The following TCERG1L variants were observed in gnomAD, a reference collection of about 807,000 sequenced individuals.
TCERG1L encodes the protein transcription elongation regulator 1-like protein.
TCERG1L carries 37 observed loss-of-function variants against 56.3 expected under a neutral mutation model. That is an observed-to-expected ratio of 0.66 (90% CI 0.51 to 0.87). The LOEUF (loss-of-function observed/expected upper bound fraction) is 0.87. Ranked by LOEUF, TCERG1L falls within the 40% of genes least tolerant of loss-of-function variation. The pLI is 0.00. For missense variants in TCERG1L, 799 were observed against 774.2 expected (o/e 1.03, Z -0.38); for synonymous variants, 324 against 326.3 (o/e 0.99, Z 0.08).
chr10:131,138,267 G>C (rs992701784), intron 7 of TCERG1L, among the ~76,000 whole-genome samples: 38 of 152,160 alleles, frequency 2.5e-4, no homozygotes, highest in Non-Finnish European at 4.4e-5. Flanking sequence ...GTGACAGAGT[G>C]AAACTCTGTC....
chr10:131,093,380 C>T lies in TCERG1L; in HGVS notation c.1605-62G>A, dbSNP rs1024323281. The T allele has an allele frequency of 1.4e-5, 22 of 1,573,940 alleles. No individual in the cohort carries two copies. In the South Asian group the frequency reaches 2.4e-4, roughly 17 times the overall value. ...GAGCAACTCTGGCCTCCCCAGAGAT[C>T]CTGCAGCGGCACCGCCTGAGCAAGC... On this transcript the variant is annotated intron_variant, in intron 11 of 11. Transcript: ENST00000368642.
intron 3 of TCERG1L, among the ~76,000 whole-genome samples, chr10:131,289,384 T>C (rs1201965607): frequency 6.6e-6 from 1 of 152,212 alleles, no homozygotes; most frequent in Non-Finnish European, 1.5e-5. Flanking sequence ...TACGATATAG[T>C]TGGAAATAAA....
At chr10:131,179,250 CTG>C (rs1157776934) in intron 4 of TCERG1L, among the ~76,000 whole-genome samples, 1 of 152,252 alleles carries the variant, frequency 6.6e-6, no homozygotes, top group African/African-American at 2.4e-5. Context: ...TGGGCAGCAC[CTG>C]TGTGTTTCCC....
chr10:131,115,411 T>C (rs559106246), intron 9 of TCERG1L, among the ~76,000 whole-genome samples: 2 of 93,990 alleles, frequency 2.1e-5, no homozygotes, highest in South Asian at 8.5e-4. Context: ...AAGTCTTGTT[T>C]TCAAACAAAA....
intron 4 of TCERG1L, among the ~76,000 whole-genome samples, chr10:131,178,048 T>C (rs1021381910): frequency 2.0e-5 from 3 of 152,108 alleles, no homozygotes; most frequent in African/African-American, 7.2e-5. Context: ...TCCCTCCCTT[T>C]ACTCCCGGGG....
At chr10:131,205,880 G>A (rs1433061673) in intron 4 of TCERG1L, among the ~76,000 whole-genome samples, 2 of 152,226 alleles carry the variant, frequency 1.3e-5, no homozygotes, top group Non-Finnish European at 2.9e-5. Context: ...GGGAAGCTAC[G>A]ACAGAGGGCC....
intron 3 of TCERG1L, among the ~76,000 whole-genome samples, chr10:131,263,326 T>C (rs1179239712): frequency 6.6e-6 from 1 of 152,194 alleles, no homozygotes; most frequent in African/African-American, 2.4e-5. Flanking sequence ...ATCTTAATAA[T>C]AACACACTTT....
intron 4 of TCERG1L, among the ~76,000 whole-genome samples, chr10:131,221,479 G>A (rs557042267): frequency 6.6e-6 from 1 of 152,256 alleles, no homozygotes; most frequent in African/African-American, 2.4e-5. Flanking sequence ...TGAGCAATTA[G>A]AAGGCAGCGA....
chr10:131,260,482 AC>A lies in TCERG1L; in HGVS notation c.671-39del. 7.3e-7 allele frequency: 1 copy of A among 1,364,678 alleles called. No homozygotes were observed. The highest frequency in any genetic ancestry group is 9.5e-7 in the Non-Finnish European group (1 of 1,055,346). The allele number at this position is 1,364,678 out of a possible 1,614,324, so 84.5% of individuals were successfully genotyped here. A position where few individuals can be genotyped will look rare whatever the true frequency, so the allele number is the denominator to read the frequency against. On this transcript the variant is annotated intron_variant, in intron 3 of 11. Coordinates refer to ENST00000368642, the MANE Select transcript of TCERG1L (RefSeq NM_174937.4). The surrounding 1 kb of genome is among the most constrained non-coding windows in gnomAD (Gnocchi z 5.8). ...GATGCAGAGGGTCAGCAAGGGGACG[AC>A]CAGGGCCATGGGTGACAGATGCCCA...
chr10:131,252,359 G>A (rs547172928), intron 4 of TCERG1L, among the ~76,000 whole-genome samples: 25 of 152,236 alleles, frequency 1.6e-4, no homozygotes, highest in Middle Eastern at 3.4e-3. Context: ...AGGGATGTTC[G>A]TTCAGAGCAA....
intron 4 of TCERG1L, among the ~76,000 whole-genome samples, chr10:131,218,190 T>C (rs537322869): frequency 6.6e-6 from 1 of 152,318 alleles, no homozygotes; most frequent in South Asian, 2.1e-4. Context: ...TGCCACTGTT[T>C]TAATAGTGCA....
intron 3 of TCERG1L, among the ~76,000 whole-genome samples, chr10:131,306,619 G>A (rs973982575): frequency 2.0e-5 from 3 of 151,886 alleles, no homozygotes; most frequent in East Asian, 1.9e-4. Context: ...AACATCTCAC[G>A]TACCCCACAA....
intron 4 of TCERG1L, among the ~76,000 whole-genome samples, chr10:131,223,304 C>A (rs568390157): frequency 1.3e-5 from 2 of 152,316 alleles, no homozygotes; most frequent in Admixed American, 6.5e-5. Flanking sequence ...GGTGCAGACC[C>A]CAATCCAGGC....
intron 6 of TCERG1L, among the ~76,000 whole-genome samples, chr10:131,150,063 C>T (rs1442496571): frequency 6.6e-6 from 1 of 152,200 alleles, no homozygotes; most frequent in Non-Finnish European, 1.5e-5. Flanking sequence ...ATCCTAGAAG[C>T]GTCCTTGGCT....
intron 3 of TCERG1L, among the ~76,000 whole-genome samples, chr10:131,274,317 C>T (rs1476143010): frequency 6.6e-6 from 1 of 152,220 alleles, no homozygotes; most frequent in Non-Finnish European, 1.5e-5. Flanking sequence ...TCCTCCAGAG[C>T]GGCACCTGCT....
At chr10:131,123,952 C>T (rs1321572317) in intron 8 of TCERG1L, among the ~76,000 whole-genome samples, 1 of 152,190 alleles carries the variant, frequency 6.6e-6, no homozygotes, top group Admixed American at 6.5e-5. Flanking sequence ...CCAGGTAGGG[C>T]ATGAGTGGGT....
In TCERG1L at chr10:131,285,564, AAAAG is replaced by A. The variant is rs1425533905; in HGVS notation, c.670+22643_670+22646del. Among the ~76,000 whole-genome samples, 39 of 135,154 alleles carry A rather than the reference AAAAG, an allele frequency of 2.9e-4. 3 individuals carry two copies. The highest frequency in any genetic ancestry group is 1.5e-3 in the South Asian group (7 of 4,580). The allele number at this position is 135,154 out of a possible 152,430, so 88.7% of individuals were successfully genotyped here. A position where few individuals can be genotyped will look rare whatever the true frequency, so the allele number is the denominator to read the frequency against. ...AAAGAAAGAAAGGAAGGAAGAAAGAAAAAGAAAGAAAGAAAGAAAAAAAATGAGA... is the reference window on the plus strand; with the variant it reads ...AAAGAAAGAAAGGAAGGAAGAAAGAAAAAGAAAGAAAGAAAAAAAATGAGA... On this transcript the variant is annotated intron_variant, in intron 3 of 11. Transcript: ENST00000368642.
chr10:131,308,286 C>G lies in TCERG1L; in HGVS notation c.595G>C (p.Ala199Pro). The G allele has an allele frequency of 6.2e-7, 1 of 1,613,984 alleles. No individual in the cohort carries two copies. Among genetic ancestry groups the G allele is most frequent in the Non-Finnish European group, 8.5e-7 (1 of 1,179,906 alleles). The change falls in exon 3 of 12, where the codon GCT becomes CCT. Residue 199 changes from alanine to proline, a missense_variant. Transcript: ENST00000368642. ...EKPRLLANQV[A>P]VSLSRPAPAS... ...GGAGCCGGCCTGGACAGAGACACAG[C>G]TACTTGATTTGCCAGCAAACGAGGC...
chr10:131,300,667 C>T lies in TCERG1L; in HGVS notation c.670+7544G>A, dbSNP rs1846752019. 2.0e-5 allele frequency among the ~76,000 whole-genome samples: 3 copies of T among 152,168 alleles called. No individual in the cohort carries two copies. In the South Asian group the frequency reaches 6.2e-4, roughly 31 times the overall value. Reference sequence around the variant, plus strand: ...ATGCTAATCATGGTCAATCATAGAACTATCTGATAATTCTAACATCTGTGT... The same window carrying T: ...ATGCTAATCATGGTCAATCATAGAATTATCTGATAATTCTAACATCTGTGT... On this transcript the variant is annotated intron_variant, in intron 3 of 11. Transcript: ENST00000368642.
Sources: allele counts gnomAD v4.1 joint callset (sites outside exome capture counted in the v4.1 genomes callset), GRCh38; gene constraint gnomAD v4.1.1; non-coding constraint Gnocchi (gnomAD v3.1); transcripts MANE v1.5; gene names NCBI Gene and HGNC (gene_info 2026-07-23, HGNC 2026-07-21).